HMCN2: variants seen among roughly 807,000 people sequenced by gnomAD.
HMCN2 encodes the protein hemicentin-2.
HMCN2 carries 325 observed loss-of-function variants against 377.5 expected under a neutral mutation model. The observed-to-expected ratio is 0.86, with a 90% confidence interval of 0.79 to 0.94. The LOEUF is 0.94. Ranked by LOEUF, HMCN2 falls within the 40% of genes least tolerant of loss-of-function variation. HMCN2 has a pLI of 0.00. For synonymous variants in HMCN2, 2,007 were observed against 2,046.8 expected, an observed-to-expected ratio of 0.98 and a Z score of 0.53; for missense variants, 4,543 against 4,725.3, an observed-to-expected ratio of 0.96 and a Z score of 1.13.
chr9:130,403,273 A>G lies in HMCN2; in HGVS notation c.11958A>G (p.Ser3986=), dbSNP rs901148924. 1.6e-6 allele frequency: 2 copies of G among 1,289,700 alleles called. No individual in the cohort carries two copies. Among genetic ancestry groups the G allele is most frequent in the Non-Finnish European group, 2.0e-6 (2 of 988,878 alleles). The allele number at this position is 1,289,700 out of a possible 1,614,324, so 79.9% of individuals were successfully genotyped here. A position where few individuals can be genotyped will look rare whatever the true frequency, so the allele number is the denominator to read the frequency against. Residue 3986 remains serine, a synonymous_variant, in exon 79 of 98, where the codon TCA becomes TCG. Coordinates refer to ENST00000683500, the MANE Select transcript of HMCN2 (RefSeq NM_001291815.2). The part of the protein sequence containing the change: ...EEEVLLPCEA[S]GIPRPTITWQ... ...AGGTGCTGCTGCCCTGCGAGGCCTC[A>G]GGCATCCCCCGGCCGACCATCACCT...
At chr9:130,293,477 A>C (rs1366071377) in intron 4 of HMCN2, among the ~76,000 whole-genome samples, 1 of 151,944 alleles carries the variant, frequency 6.6e-6, no homozygotes, top group Non-Finnish European at 1.5e-5. Flanking sequence ...TGGCCTGGAA[A>C]GAGAAGGTCC....
At position 130,430,384 on chromosome 9, in the gene HMCN2, T is replaced by A. The variant is rs1844665463; in HGVS notation, c.14427T>A (p.Leu4809=). 6.5e-7 allele frequency: 1 copy of A among 1,549,954 alleles called. No homozygotes were observed. Among genetic ancestry groups the A allele is most frequent in the Admixed American group, 2.0e-5 (1 of 50,984 alleles). Reference sequence around the variant, plus strand: ...TGTGCCCCCCAGGCCAGACCCTCCTTCGCGACGGCAAGGCCTGCACCTCAC... The same window carrying A: ...TGTGCCCCCCAGGCCAGACCCTCCTACGCGACGGCAAGGCCTGCACCTCAC... ...RCLCPPGQTL[L]RDGKACTSLE... The change falls in exon 95 of 98, where the codon CTT becomes CTA. Residue 4809 remains leucine (L), a synonymous_variant. Coordinates refer to ENST00000683500, the MANE Select transcript of HMCN2 (RefSeq NM_001291815.2).
chr9:130,326,900 A>C (rs896591373), intron 21 of HMCN2, among the ~76,000 whole-genome samples: 1 of 152,058 alleles, frequency 6.6e-6, no homozygotes, highest in Non-Finnish European at 1.5e-5. Flanking sequence ...GGGTCTGTGC[A>C]TTCTTTGGTG....
intron 25 of HMCN2, among the ~76,000 whole-genome samples, chr9:130,343,034 G>A (rs1839145056): frequency 6.6e-6 from 1 of 152,246 alleles, no homozygotes; most frequent in Non-Finnish European, 1.5e-5. Context: ...CAGCGGGGTT[G>A]TACCAGCCCC....
At chr9:130,279,230 T>C (rs74631693) in intron 1 of HMCN2, among the ~76,000 whole-genome samples, 1 of 152,110 alleles carries the variant, frequency 6.6e-6, no homozygotes, top group Non-Finnish European at 1.5e-5. Flanking sequence ...GCATGCGTGA[T>C]GTATCCAGTC....
chr9:130,311,201 C>T (rs1328914974), intron 15 of HMCN2, among the ~76,000 whole-genome samples: 5 of 152,330 alleles, frequency 3.3e-5, no homozygotes, highest in East Asian at 1.9e-4. Context: ...TCTAGGGAAG[C>T]GCAGAGAATC....
intron 1 of HMCN2, among the ~76,000 whole-genome samples, chr9:130,282,101 T>G (rs782305125): frequency 2.0e-5 from 3 of 152,192 alleles, no homozygotes; most frequent in Admixed American, 2.0e-4. Flanking sequence ...ATGATTGCTC[T>G]TCTTAGTCAA....
At chr9:130,296,502 T>A (rs149428518) in intron 6 of HMCN2, among the ~76,000 whole-genome samples, 172 bp from the exon 7 acceptor site, 1 of 152,090 alleles carries the variant, frequency 6.6e-6, no homozygotes, top group African/African-American at 2.4e-5. Context: ...GCTCCTTCAT[T>A]TGGGGAGCAT....
In HMCN2 at chr9:130,428,797, C is replaced by T. The variant is rs1844546782; in HGVS notation, c.14197+308C>T. ...TGGCAAACACATGCTCCCTCTGCTG[C>T]CATCCGTTCTGTTCCCCCATATGAA... On this transcript the variant is annotated intron_variant, in intron 93 of 97. Coordinates refer to ENST00000683500, the MANE Select transcript of HMCN2 (RefSeq NM_001291815.2). The surrounding 1 kb of genome is among the most constrained non-coding windows in gnomAD (Gnocchi z 5.0). Among the ~76,000 whole-genome samples the T allele has an allele frequency of 6.6e-6, 1 of 152,194 alleles. No individual in the cohort carries two copies.
intron 19 of HMCN2, among the ~76,000 whole-genome samples, chr9:130,324,605 G>T (rs1838029536): frequency 6.6e-6 from 1 of 151,802 alleles, no homozygotes; most frequent in Non-Finnish European, 1.5e-5. Flanking sequence ...TTTTAGATGG[G>T]TTCCCTCTTA....
In HMCN2 at chr9:130,356,646, C is replaced by T. The variant is rs73549565; in HGVS notation, c.5425+389C>T. On this transcript the variant is annotated intron_variant, in intron 34 of 97. Transcript: ENST00000683500. ...TATCTTTCAGGCATATCCTGAAATA[C>T]TTTTCCTCCAGGAAGCCTTCCTTGA... is the stretch of plus-strand genomic sequence containing the variant. Among the ~76,000 whole-genome samples the T allele has an allele frequency of 3.4e-3, 523 of 152,360 alleles. 5 individuals are homozygous for T. Among genetic ancestry groups the T allele is most frequent in the African/African-American group, 0.012 (501 of 41,576 alleles).
chr9:130,381,974 C>T (rs931209145), intron 54 of HMCN2, among the ~76,000 whole-genome samples: 3 of 152,198 alleles, frequency 2.0e-5, no homozygotes, highest in East Asian at 1.9e-4. Context: ...ATGTGCAGCC[C>T]AGGGCCTGGC....
chr9:130,391,670 C>T (rs143969177), intron 65 of HMCN2, 96 bp downstream of exon 65: 20 of 965,646 alleles, frequency 2.1e-5, no homozygotes, highest in Middle Eastern at 5.3e-4. Context: ...TCCTGGGCCA[C>T]GGGTCTCACT....
chr9:130,355,067 A>C, intron 32 of HMCN2, 23 bp downstream of exon 32: 5 of 1,253,150 alleles, frequency 4.0e-6, no homozygotes, highest in Non-Finnish European at 5.2e-6. Context: ...CACCCCACTC[A>C]GAGCTGCCTG....
chr9:130,404,913 G>T lies in HMCN2; in HGVS notation c.12193G>T (p.Glu4065Ter). The T allele has an allele frequency of 7.8e-7, 1 of 1,286,372 alleles. No individual in the cohort carries two copies. Among genetic ancestry groups the T allele is most frequent in the Non-Finnish European group, 1.0e-6 (1 of 987,128 alleles). 79.7% of individuals were successfully genotyped at this position (1,286,372 alleles called of 1,614,324 possible). A position where few individuals can be genotyped will look rare whatever the true frequency, so the allele number is the denominator to read the frequency against. The change falls in exon 81 of 98, where the codon GAA (glutamate) becomes TAA (stop). Residue 4065 changes from glutamate (E) to a stop codon, truncating the protein, a stop_gained. Coordinates refer to ENST00000683500, the MANE Select transcript of HMCN2 (RefSeq NM_001291815.2). LOFTEE classifies it high-confidence loss of function. ...ENGLPDLSTT[E>*]GSHAFLPCKA... Reference sequence around the variant, plus strand: ...TGGCCTCCCAGACCTGTCCACCACCGAAGGCTCCCACGCCTTCTTGCCTTG... The same window carrying T: ...TGGCCTCCCAGACCTGTCCACCACCTAAGGCTCCCACGCCTTCTTGCCTTG...
intron 24 of HMCN2, among the ~76,000 whole-genome samples, chr9:130,341,714 C>T (rs1186141475): frequency 6.6e-6 from 1 of 152,090 alleles, no homozygotes; most frequent in East Asian, 1.9e-4. Context: ...GACCCAGGGC[C>T]ATCCAGACAA....
Position 130,383,512 on chromosome 9 carries a change from G to C in HMCN2, c.8742G>C (p.Thr2914=), listed in dbSNP as rs766665978. The change falls in exon 57 of 98, where the codon ACG becomes ACC. Residue 2914 remains threonine, a synonymous_variant. Coordinates refer to ENST00000683500, the MANE Select transcript of HMCN2 (RefSeq NM_001291815.2). ...LEDGQVLQVS[T]AEVADAASYM... Reference sequence around the variant, plus strand: ...GCTCCCTGCACCCACAGGTTTCCACGGCAGAGGTGGCCGACGCCGCCAGCT... The same window carrying C: ...GCTCCCTGCACCCACAGGTTTCCACCGCAGAGGTGGCCGACGCCGCCAGCT... 113 of 985,954 alleles carry C rather than the reference G, an allele frequency of 1.1e-4. No homozygotes were observed. The highest frequency in any genetic ancestry group is 4.7e-4 in the South Asian group (10 of 21,296). 61.1% of individuals were successfully genotyped at this position (985,954 alleles called of 1,614,324 possible). A position where few individuals can be genotyped will look rare whatever the true frequency, so the allele number is the denominator to read the frequency against.
At chr9:130,405,762 A>G (rs1206103106) in intron 81 of HMCN2, among the ~76,000 whole-genome samples, 193 bp from the exon 82 acceptor site, 2 of 152,206 alleles carry the variant, frequency 1.3e-5, no homozygotes, top group African/African-American at 4.8e-5. Context: ...ATGAAGCAGT[A>G]GAGCATGTGA....
chr9:130,285,568 G>T (rs544513126), intron 3 of HMCN2, among the ~76,000 whole-genome samples: 15 of 152,308 alleles, frequency 9.8e-5, no homozygotes, highest in African/African-American at 3.6e-4. Context: ...GTTCCTGTTG[G>T]AGACCATACC....
Sources: gnomAD v4.1 joint callset for allele counts (sites outside exome capture counted in the v4.1 genomes callset) on GRCh38, gnomAD v4.1.1 for gene constraint, Gnocchi (gnomAD v3.1) non-coding constraint, MANE v1.5 for transcripts, NCBI Gene and HGNC (gene_info 2026-07-23, HGNC 2026-07-21) for gene names.